The following GTF2F1 variants were observed in gnomAD, a reference collection of about 807,000 sequenced individuals.
GTF2F1 encodes general transcription factor IIF subunit 1.
GTF2F1 carries 39 observed loss-of-function variants against 63.5 expected under a neutral mutation model. That is an observed-to-expected ratio of 0.61 (90% CI 0.48 to 0.80). The LOEUF is 0.80. Among genes scored for constraint, GTF2F1 ranks in the 30% least tolerant of loss-of-function variants. The pLI, the probability that GTF2F1 is intolerant of heterozygous loss-of-function variation, is 0.00. For synonymous variants in GTF2F1, 287 were observed against 285.3 expected, an observed-to-expected ratio of 1.01 and a Z score of -0.06; for missense variants, 657 against 718.3, an observed-to-expected ratio of 0.91 and a Z score of 0.97.
intron 5 of GTF2F1, among the ~76,000 whole-genome samples, chr19:6,384,006 C>A (rs1259354589): frequency 6.6e-6 from 1 of 150,516 alleles, no homozygotes; most frequent in Non-Finnish European, 1.5e-5. Flanking sequence ...AGGGTTTCAC[C>A]ATGTTGGACA....
rs1053304122 is a variant in GTF2F1, at chr19:6,381,253, G to T, written c.1019-58C>A. 5 of 1,564,994 alleles carry T rather than the reference G, an allele frequency of 3.2e-6. No homozygotes were observed. The African/African-American group carries it at 6.8e-5, about 21-fold the overall frequency. On this transcript the variant is annotated intron_variant, in intron 9 of 12. Transcript: ENST00000394456. This position sits in a 1 kb window ranked among gnomAD's most constrained non-coding sequence, Gnocchi z 4.1. Reference sequence around the variant, plus strand: ...GCAACCCCGGGACCCGGTGCCCACTGGTGCCTCCACTGCAGATGAGGGAGG... The same window carrying T: ...GCAACCCCGGGACCCGGTGCCCACTTGTGCCTCCACTGCAGATGAGGGAGG...
chr19:6,386,366 C>T (rs1358165043), intron 5 of GTF2F1, among the ~76,000 whole-genome samples: 1 of 150,812 alleles, frequency 6.6e-6, no homozygotes. Flanking sequence ...CCAGCCTGGG[C>T]AACAAGAGCG....
chr19:6,391,991 G>A lies in GTF2F1; in HGVS notation c.60-17C>T, dbSNP rs2145085079. ...GTTGTATTCCTGGAGTGGATGAGAA[G>A]AGGTAGTGTCAATCCAATACAGCAA... is the stretch of plus-strand genomic sequence containing the variant. On this transcript the variant is annotated splice_polypyrimidine_tract_variant and intron_variant, in intron 2 of 12. Coordinates refer to ENST00000394456, the MANE Select transcript of GTF2F1 (RefSeq NM_002096.3). 2.2e-6 allele frequency: 3 copies of A among 1,382,054 alleles called. No individual in the cohort carries two copies. Among genetic ancestry groups the A allele is most frequent in the Non-Finnish European group, 3.0e-6 (3 of 987,086 alleles). 85.6% of individuals were successfully genotyped at this position (1,382,054 alleles called of 1,614,324 possible).
intron 3 of GTF2F1, 48 bp from the exon 4 acceptor site, chr19:6,389,685 C>T (rs765444527): frequency 1.4e-5 from 21 of 1,552,108 alleles, no homozygotes; most frequent in African/African-American, 2.7e-5. Context: ...GCTTTGCTTG[C>T]GCAGTGCCCC....
intron 3 of GTF2F1, among the ~76,000 whole-genome samples, chr19:6,391,555 C>T (rs770177940): frequency 4.7e-5 from 7 of 148,364 alleles, no homozygotes; most frequent in African/African-American, 9.8e-5. Flanking sequence ...TGGGCTCAAG[C>T]GATCCTCCTA....
chr19:6,389,451 C>T lies in GTF2F1; in HGVS notation c.319G>A (p.Gly107Ser). 1 of 1,613,648 alleles carries T rather than the reference C, an allele frequency of 6.2e-7. No homozygotes were observed. The highest frequency in any genetic ancestry group is 8.5e-7 in the Non-Finnish European group (1 of 1,179,636). The change falls in exon 4 of 13, where the codon GGC (glycine) becomes AGC (serine). Residue 107 changes from glycine to serine, a missense_variant. Transcript: ENST00000394456. ...PWLLRVNGKS[G>S]RKFKGIKKGG... Reference sequence around the variant, plus strand: ...CACCGCCCCACCACTTACTTCCTGCCTGATTTGCCGTTGACCCGGAGCAGC... The same window carrying T: ...CACCGCCCCACCACTTACTTCCTGCTTGATTTGCCGTTGACCCGGAGCAGC...
chr19:6,392,800 T>G, intron 2 of GTF2F1, 57 bp downstream of exon 2: 1 of 1,533,522 alleles, frequency 6.5e-7, no homozygotes. Context: ...AAGAAGATCG[T>G]GAAGGTTTTC....
intron 2 of GTF2F1, chr19:6,392,500 T>G: frequency 1.9e-6 from 1 of 535,294 alleles, no homozygotes; most frequent in South Asian, 1.7e-5. Context: ...GGGGAGGCAC[T>G]CATGGCAGAG....
At chr19:6,387,055 G>T in intron 5 of GTF2F1, 1 of 290,886 alleles carries the variant, frequency 3.4e-6, no homozygotes, top group South Asian at 5.0e-5. Context: ...CCCTCCTCGG[G>T]TGCCCTGCCT....
chr19:6,382,675 G>A (rs2091958176), intron 6 of GTF2F1, among the ~76,000 whole-genome samples: 1 of 151,306 alleles, frequency 6.6e-6, no homozygotes, highest in South Asian at 2.1e-4. Flanking sequence ...GTGCACGCCT[G>A]TAGTCCCAGC....
At position 6,380,776 on chromosome 19, in the gene GTF2F1, G is replaced by T; in HGVS notation, c.1232-86C>A. The T allele has an allele frequency of 6.5e-7, 1 of 1,544,270 alleles. No homozygotes were observed. Among genetic ancestry groups the T allele is most frequent in the Non-Finnish European group, 8.8e-7 (1 of 1,136,824 alleles). The stretch of plus-strand genomic sequence containing the variant: ...CCCAGGCTGGGCAGTGCCAGGATTA[G>T]GGTTCAAGGGGATCAGGGAGAGACA... On this transcript the variant is annotated intron_variant, in intron 11 of 12. Transcript: ENST00000394456. The surrounding 1 kb of genome is among the most constrained non-coding windows in gnomAD (Gnocchi z 5.3).
chr19:6,385,743 G>A (rs17625387), intron 5 of GTF2F1, among the ~76,000 whole-genome samples: 1,735 of 152,266 alleles, frequency 0.011, 11 homozygotes, highest in Middle Eastern at 0.017. Flanking sequence ...TTGGAGCTGA[G>A]CCAACCTATG....
chr19:6,384,482 T>A (rs1568330241), intron 5 of GTF2F1, among the ~76,000 whole-genome samples: 1 of 150,486 alleles, frequency 6.6e-6, no homozygotes, highest in Non-Finnish European at 1.5e-5. Context: ...CACTCCAGCC[T>A]CGGTGACAGA....
At chr19:6,388,220 G>A (rs369993683) in intron 4 of GTF2F1, among the ~76,000 whole-genome samples, 3 of 152,102 alleles carry the variant, frequency 2.0e-5, no homozygotes, top group Non-Finnish European at 4.4e-5. Flanking sequence ...GTGAGCCACC[G>A]CGCCCAGCCA....
At chr19:6,384,774 G>GTTCTT (rs369168009) in intron 5 of GTF2F1, among the ~76,000 whole-genome samples, 45 of 151,894 alleles carry the variant, frequency 3.0e-4, no homozygotes, top group East Asian at 1.2e-3. Flanking sequence ...ATCACCATTT[G>GTTCTT]TTCTTTTCTT....
chr19:6,380,885 G>T lies in GTF2F1; in HGVS notation c.1231+19C>A, dbSNP rs1302250477. 1 of 1,537,086 alleles carries T rather than the reference G, an allele frequency of 6.5e-7. No individual in the cohort carries two copies. The highest frequency in any genetic ancestry group is 1.9e-5 in the Admixed American group (1 of 51,458). ...CTGTGGCTGTGGCTGTGGGGAGCGGGGAGGCCACGGGCACTCACCTTGCTC... is the reference window on the plus strand; with the variant it reads ...CTGTGGCTGTGGCTGTGGGGAGCGGTGAGGCCACGGGCACTCACCTTGCTC... On this transcript the variant is annotated intron_variant, in intron 11 of 12. Transcript: ENST00000394456. This position sits in a 1 kb window ranked among gnomAD's most constrained non-coding sequence, Gnocchi z 5.3.
rs749439237 is a variant in GTF2F1 at position 6,381,835 on chromosome 19, T to C, written c.698A>G (p.Lys233Arg). ...GGCCAGCGGCGCCTTCTTCTTGGCC[T>C]TGGGGACTCTGCCCCCTGGGAAGGG... ...ASGEEGGRVP[K>R]AKKKAPLAKG... Residue 233 changes from lysine to arginine, a missense_variant, in exon 7 of 13, where the codon AAG becomes AGG. By Grantham distance (26) the Lys-to-Arg change is conservative. This residue lies in a region of GTF2F1 where 602 missense variants were observed against 625.6 expected (regional missense o/e 0.96). Coordinates refer to ENST00000394456, the MANE Select transcript of GTF2F1 (RefSeq NM_002096.3). The surrounding 1 kb of genome is among the most constrained non-coding windows in gnomAD (Gnocchi z 4.1). The C allele has an allele frequency of 3.1e-6, 5 of 1,612,814 alleles. No individual in the cohort carries two copies. The South Asian group carries it at 4.4e-5, about 14-fold the overall frequency.
chr19:6,381,919 T>C lies in GTF2F1; in HGVS notation c.683-69A>G. 1 of 1,387,932 alleles carries C rather than the reference T, an allele frequency of 7.2e-7. No homozygotes were observed. 86.0% of individuals were successfully genotyped at this position (1,387,932 alleles called of 1,614,324 possible). A position where few individuals can be genotyped will look rare whatever the true frequency, so the allele number is the denominator to read the frequency against. On this transcript the variant is annotated intron_variant, in intron 6 of 12. Coordinates refer to ENST00000394456, the MANE Select transcript of GTF2F1 (RefSeq NM_002096.3). The surrounding 1 kb of genome is among the most constrained non-coding windows in gnomAD (Gnocchi z 4.1). ...AAGGCAGTGGGTATTTATTGTGTTT[T>C]TCACATTTTGTGCAGTTTTGACATC...
rs935811756 is a variant in GTF2F1 at position 6,379,634 on chromosome 19, G to C, written c.*647C>G. 1 of 153,858 alleles carries C rather than the reference G, an allele frequency of 6.5e-6. No homozygotes were observed. Among genetic ancestry groups the C allele is most frequent in the African/African-American group, 2.4e-5 (1 of 41,396 alleles). The allele number at this position is 153,858 out of a possible 1,614,324, so 9.5% of individuals were successfully genotyped here. ...CTGTCACCCAGGCTGGAGTGCAGTG[G>C]CGTGGTGTCAGCTCACAGCAACCTC... On this transcript the variant is annotated 3_prime_UTR_variant, in exon 13 of 13. Transcript: ENST00000394456.
Sources: allele counts gnomAD v4.1 joint callset (sites outside exome capture counted in the v4.1 genomes callset), GRCh38; gene constraint gnomAD v4.1.1; regional missense constraint gnomAD v4.1.1; non-coding constraint Gnocchi (gnomAD v3.1); transcripts MANE v1.5; gene names NCBI Gene and HGNC (gene_info 2026-07-23, HGNC 2026-07-21).